Variants in NAALADL2 observed in about 807,000 individuals in gnomAD.
The protein encoded by NAALADL2 is inactive N-acetylated-alpha-linked acidic dipeptidase-like protein 2.
In NAALADL2, 76 loss-of-function variants were observed where a neutral mutation model predicts 87.2. That is an observed-to-expected ratio of 0.87 (90% confidence interval 0.72 to 1.05). The LOEUF is 1.05. Ranked by LOEUF, NAALADL2 falls within the 50% of genes least tolerant of loss-of-function variation. The pLI is 0.00. For missense variants in NAALADL2, 1,089 were observed against 945.8 expected, an observed-to-expected ratio of 1.15 and a Z score of -1.99; for synonymous variants, 354 against 331.0, an observed-to-expected ratio of 1.07 and a Z score of -0.75.
At chr3:175,592,656 G>A (rs996468719) in intron 10 of NAALADL2, among the ~76,000 whole-genome samples, 1 of 149,132 alleles carries the variant, frequency 6.7e-6, no homozygotes, top group Admixed American at 6.8e-5. Context: ...ATCAAACACT[G>A]CATATTCTCA....
At chr3:174,559,203 G>C (rs550418200) in intron 2 of NAALADL2, among the ~76,000 whole-genome samples, 47 of 152,198 alleles carry the variant, frequency 3.1e-4, no homozygotes, top group African/African-American at 1.1e-3. Flanking sequence ...AGAGGCCAAA[G>C]AAAAAGGCTG....
In NAALADL2 at chr3:175,233,990, C is replaced by T. The variant is rs1383557968; in HGVS notation, c.605C>T (p.Thr202Ile). ...ATGGAAATTTCAAAGAAGATTAAGA[C>T]TCAGTGGACCTCTTTGGGCCTAGAA... is the stretch of plus-strand genomic sequence containing the variant. ...DDMEISKKIK[T>I]QWTSLGLEDV... The change falls in exon 3 of 14, where the codon ACT (threonine) becomes ATT (isoleucine). Residue 202 changes from threonine (T) to isoleucine (I), a missense_variant. Physicochemically the swap from Thr to Ile is moderately conservative, Grantham distance 89. Transcript: ENST00000454872. The T allele has an allele frequency of 6.1e-5, 98 of 1,608,324 alleles. No individual in the cohort carries two copies. Among genetic ancestry groups the T allele is most frequent in the Non-Finnish European group, 8.1e-5 (95 of 1,175,038 alleles).
intron 13 of NAALADL2, among the ~76,000 whole-genome samples, chr3:175,759,547 G>A (rs1384695651): frequency 2.6e-5 from 4 of 151,752 alleles, no homozygotes; most frequent in Non-Finnish European, 5.9e-5. Context: ...TAGTAGAGAC[G>A]GGGTTTCACC....
intron 10 of NAALADL2, among the ~76,000 whole-genome samples, chr3:175,621,463 G>A (rs1049985738): frequency 6.6e-6 from 1 of 152,012 alleles, no homozygotes; most frequent in Non-Finnish European, 1.5e-5. Context: ...AATTCTCTGG[G>A]TTTCTCCATC....
rs183547488 is a variant in NAALADL2, at chr3:174,508,277, C to A, written c.-183-42292C>A. Among the ~76,000 whole-genome samples, 73 of 152,028 alleles carry A rather than the reference C, an allele frequency of 4.8e-4. 1 individual carries two copies. The East Asian group carries it at 0.01, about 21-fold the overall frequency. ...TACAGGCGCCTGCCACCATGCCCGG[C>A]TAATTTTTTGTATTTTTAGTGGAGA... is the stretch of plus-strand genomic sequence containing the variant. On this transcript the variant is annotated intron_variant, in intron 1 of 3. Coordinates refer to the NAALADL2 transcript ENST00000434257.
At chr3:175,046,220 T>C (rs945266244) in intron 1 of NAALADL2, among the ~76,000 whole-genome samples, 1 of 152,138 alleles carries the variant, frequency 6.6e-6, no homozygotes, top group Non-Finnish European at 1.5e-5. Context: ...ATGTGTCTTC[T>C]TGAGTATTTG....
chr3:175,569,252 G>A (rs955684006), intron 9 of NAALADL2, among the ~76,000 whole-genome samples: 6 of 152,072 alleles, frequency 3.9e-5, no homozygotes, highest in African/African-American at 1.4e-4. Context: ...AACTAAAAAT[G>A]TTATAACAAA....
intron 1 of NAALADL2, among the ~76,000 whole-genome samples, chr3:174,890,834 T>C (rs1378401584): frequency 2.0e-5 from 3 of 152,160 alleles, no homozygotes; most frequent in African/African-American, 7.2e-5. Context: ...AGGAAAATCA[T>C]AAAAAATATT....
chr3:174,670,170 A>G lies in NAALADL2; in HGVS notation c.-114-67471A>G, dbSNP rs539789888. On this transcript the variant is annotated intron_variant, in intron 2 of 3. Transcript: ENST00000434257. ...TTTAGAGTTTTGTACGTATAAGATC[A>G]TATCATCACAAACAGAGATGAATTT... 1.8e-3 allele frequency among the ~76,000 whole-genome samples: 270 copies of G among 151,972 alleles called. 1 individual carries two copies. The highest frequency in any genetic ancestry group is 6.3e-3 in the African/African-American group (261 of 41,516).
At chr3:174,813,559 G>C (rs1720456745) in intron 3 of NAALADL2, among the ~76,000 whole-genome samples, 1 of 152,096 alleles carries the variant, frequency 6.6e-6, no homozygotes, top group Non-Finnish European at 1.5e-5. Context: ...AGGAAAGTAC[G>C]GTCTATGATG....
chr3:174,792,045 C>A (rs13326692), intron 3 of NAALADL2, among the ~76,000 whole-genome samples: 2,115 of 152,028 alleles, frequency 0.014, 60 homozygotes, highest in African/African-American at 0.049. Context: ...TCTATCTCTA[C>A]TAAAACAAAA....
intron 1 of NAALADL2, among the ~76,000 whole-genome samples, chr3:174,962,024 T>G (rs1245795248): frequency 6.6e-6 from 1 of 151,990 alleles, no homozygotes; most frequent in African/African-American, 2.4e-5. Context: ...ATGAAGATTT[T>G]GTCTTGGATT....
intron 9 of NAALADL2, among the ~76,000 whole-genome samples, chr3:175,533,012 G>T (rs1156262725): frequency 6.6e-6 from 1 of 152,176 alleles, no homozygotes; most frequent in African/African-American, 2.4e-5. Context: ...ACCAAAGGGA[G>T]ATCAGGCATT....
chr3:175,523,963 T>C (rs544817531), intron 9 of NAALADL2, among the ~76,000 whole-genome samples: 1 of 152,224 alleles, frequency 6.6e-6, no homozygotes. Context: ...CTGCATTCTT[T>C]TAGTTTCTCT....
chr3:175,535,553 A>C (rs1287677505), intron 9 of NAALADL2, among the ~76,000 whole-genome samples: 4 of 152,178 alleles, frequency 2.6e-5, no homozygotes, highest in Non-Finnish European at 5.9e-5. Context: ...TTTCTGTCTC[A>C]ATCTCAAATT....
At chr3:175,532,960 T>A (rs1258003524) in intron 9 of NAALADL2, among the ~76,000 whole-genome samples, 4 of 152,198 alleles carry the variant, frequency 2.6e-5, no homozygotes, top group African/African-American at 9.6e-5. Context: ...CACTCCATCA[T>A]CCCAATCTCC....
At chr3:175,073,524 T>C (rs1716034780) in intron 1 of NAALADL2, among the ~76,000 whole-genome samples, 1 of 152,100 alleles carries the variant, frequency 6.6e-6, no homozygotes, top group Non-Finnish European at 1.5e-5. Context: ...GTTCCTAGGC[T>C]CATTTTACTA....
chr3:174,501,599 T>C (rs1418807484), intron 1 of NAALADL2, among the ~76,000 whole-genome samples: 1 of 152,212 alleles, frequency 6.6e-6, no homozygotes, highest in African/African-American at 2.4e-5. Flanking sequence ...CAAATGGCTA[T>C]GTATTTATTC....
intron 10 of NAALADL2, among the ~76,000 whole-genome samples, chr3:175,598,395 C>A (rs1283411011): frequency 6.6e-6 from 1 of 150,692 alleles, no homozygotes; most frequent in East Asian, 1.9e-4. Flanking sequence ...ATGGAAGGAG[C>A]AGGTGAAAAT....
Sources: gnomAD v4.1 joint callset for allele counts (sites outside exome capture counted in the v4.1 genomes callset) on GRCh38, gnomAD v4.1.1 for gene constraint, MANE v1.5 for transcripts, NCBI Gene and HGNC (gene_info 2026-07-23, HGNC 2026-07-21) for gene names.